THRB: variants seen among roughly 807,000 people sequenced by gnomAD.
The protein encoded by THRB is nuclear receptor subfamily 1 group A member 2.
THRB carries 12 observed loss-of-function variants against 47.8 expected under a neutral mutation model. The ratio of observed to expected loss-of-function variants is 0.25; its 90% CI spans 0.16 to 0.41. The LOEUF (loss-of-function observed/expected upper bound fraction) is 0.41. Among genes scored for constraint, THRB ranks in the 10% least tolerant of loss-of-function variants. The pLI, the probability that THRB is intolerant of heterozygous loss-of-function variation, is 1.00. For missense variants in THRB, 348 were observed against 589.2 expected (o/e 0.59, Z 4.24); for synonymous variants, 218 against 212.2 (o/e 1.03, Z -0.24).
At chr3:24,351,552 C>T (rs754253086) in intron 1 of THRB, among the ~76,000 whole-genome samples, 23 of 152,116 alleles carry the variant, frequency 1.5e-4, no homozygotes, top group Non-Finnish European at 2.9e-4. Context: ...TGTTGTTAGC[C>T]TTGTTTTCCT....
intron 10 of THRB, 151 bp downstream of exon 10, chr3:24,127,348 C>A: frequency 1.2e-6 from 1 of 810,936 alleles, no homozygotes; most frequent in Non-Finnish European, 2.0e-6. Flanking sequence ...CTTTAAGTTC[C>A]CAGTCCACTG....
At chr3:24,190,526 C>T (rs187717549) in intron 4 of THRB, among the ~76,000 whole-genome samples, 192 bp from the exon 5 acceptor site, 6 of 152,078 alleles carry the variant, frequency 3.9e-5, no homozygotes, top group South Asian at 2.1e-4. Flanking sequence ...GGTTGCCTGT[C>T]GGAGTAATCA....
At chr3:24,159,858 T>C (rs1415176222) in intron 5 of THRB, among the ~76,000 whole-genome samples, 2 of 152,150 alleles carry the variant, frequency 1.3e-5, no homozygotes, top group Non-Finnish European at 2.9e-5. Flanking sequence ...CAAAGAATTA[T>C]ATGGCCCCAA....
intron 2 of THRB, among the ~76,000 whole-genome samples, chr3:24,312,322 C>T (rs140666493): frequency 6.6e-6 from 1 of 152,312 alleles, no homozygotes; most frequent in African/African-American, 2.4e-5. Flanking sequence ...GTCCTCATGT[C>T]TATTTTCTTT....
chr3:24,359,539 G>C (rs2063927208), intron 1 of THRB, among the ~76,000 whole-genome samples: 1 of 152,092 alleles, frequency 6.6e-6, no homozygotes, highest in African/African-American at 2.4e-5. Flanking sequence ...CTTGATGAGA[G>C]AATGCCAAAG....
chr3:24,245,542 A>C (rs1052689627), intron 3 of THRB, among the ~76,000 whole-genome samples: 1 of 152,126 alleles, frequency 6.6e-6, no homozygotes, highest in Admixed American at 6.5e-5. Flanking sequence ...AACTTTACAA[A>C]ACATGGACAC....
At chr3:24,402,668 A>G (rs1453720618) in intron 1 of THRB, among the ~76,000 whole-genome samples, 1 of 152,156 alleles carries the variant, frequency 6.6e-6, no homozygotes, top group African/African-American at 2.4e-5. Flanking sequence ...CAACTAAAAG[A>G]TACTACCATT....
chr3:24,218,344 T>C (rs569666033), intron 4 of THRB, among the ~76,000 whole-genome samples: 4,578 of 107,940 alleles, frequency 0.042, 108 homozygotes, highest in South Asian at 0.11. Context: ...CTCTCTCTCT[T>C]TTTTTTTTTT....
chr3:24,147,041 A>C (rs1229903158), intron 6 of THRB, among the ~76,000 whole-genome samples: 2 of 151,894 alleles, frequency 1.3e-5, no homozygotes, highest in African/African-American at 4.8e-5. Context: ...CAGAGTCAAC[A>C]CCTTTTTTTT....
At chr3:24,201,825 AT>A (rs61183601) in intron 4 of THRB, among the ~76,000 whole-genome samples, 7,370 of 151,498 alleles carry the variant, frequency 0.049, 566 homozygotes, top group African/African-American at 0.17. Flanking sequence ...TTATACTTCC[AT>A]TTTTTTTTGT....
chr3:24,480,713 A>G (rs550393385), intron 1 of THRB, among the ~76,000 whole-genome samples: 34 of 152,338 alleles, frequency 2.2e-4, no homozygotes, highest in African/African-American at 7.9e-4. Flanking sequence ...TGAAACAGTT[A>G]TTTCAAAACA....
At chr3:24,139,458 A>G (rs975159944) in intron 8 of THRB, among the ~76,000 whole-genome samples, 1 of 149,312 alleles carries the variant, frequency 6.7e-6, no homozygotes, top group African/African-American at 2.5e-5. Context: ...ATCACAGCTC[A>G]CTGTAGCCTT....
chr3:24,361,833 T>A (rs1031201459), intron 1 of THRB, among the ~76,000 whole-genome samples: 1 of 152,134 alleles, frequency 6.6e-6, no homozygotes, highest in African/African-American at 2.4e-5. Flanking sequence ...ATATACCACA[T>A]GTTGAATTTG....
intron 5 of THRB, among the ~76,000 whole-genome samples, chr3:24,189,062 G>A (rs1216558104): frequency 2.0e-5 from 3 of 151,600 alleles, no homozygotes; most frequent in Non-Finnish European, 4.4e-5. Context: ...AGCATTTTCA[G>A]AAAACCTAAA....
At chr3:24,316,651 C>G (rs895575934) in intron 2 of THRB, among the ~76,000 whole-genome samples, 1 of 152,100 alleles carries the variant, frequency 6.6e-6, no homozygotes, top group African/African-American at 2.4e-5. Flanking sequence ...GGTGGTTTAT[C>G]AAGTCTCTCC....
intron 1 of THRB, among the ~76,000 whole-genome samples, chr3:24,420,252 G>C (rs1245509229): frequency 6.6e-6 from 1 of 151,862 alleles, no homozygotes; most frequent in East Asian, 1.9e-4. Flanking sequence ...TTGCTCAGAA[G>C]CAATTAAGGA....
chr3:24,287,166 C>T (rs2055395657), intron 3 of THRB, among the ~76,000 whole-genome samples: 2 of 152,166 alleles, frequency 1.3e-5, no homozygotes, highest in South Asian at 4.1e-4. Context: ...ATTTCCTTTT[C>T]ATATTCTTTC....
intron 3 of THRB, among the ~76,000 whole-genome samples, chr3:24,229,309 G>A (rs1039016881): frequency 1.3e-5 from 2 of 152,172 alleles, no homozygotes; most frequent in Admixed American, 1.3e-4. Context: ...TATCCCAAGA[G>A]TGGCTAAGAT....
At chr3:24,291,193 T>A (rs75276140) in intron 3 of THRB, among the ~76,000 whole-genome samples, 6,094 of 152,330 alleles carry the variant, frequency 0.04, 171 homozygotes, top group Middle Eastern at 0.082. Context: ...AAATTTGTAA[T>A]TTGGATTTAG....
Sources: allele counts gnomAD v4.1 joint callset (sites outside exome capture counted in the v4.1 genomes callset), GRCh38; gene constraint gnomAD v4.1.1; transcripts MANE v1.5; gene names NCBI Gene and HGNC (gene_info 2026-07-23, HGNC 2026-07-21).